TRIM72: variants seen among roughly 807,000 people sequenced by gnomAD.
The protein encoded by TRIM72 is tripartite motif containing 72, also known as tripartite motif-containing protein 72.
TRIM72 carries 33 observed loss-of-function variants against 31.6 expected under a neutral mutation model. The observed-to-expected ratio is 1.04, with a 90% CI of 0.79 to 1.40. The LOEUF is 1.40. TRIM72 is among the 40% of genes most tolerant of loss of function. TRIM72 has a pLI of 0.00. For missense variants in TRIM72, 666 were observed against 682.7 expected, an observed-to-expected ratio of 0.98 and a Z score of 0.27; for synonymous variants, 301 against 314.4, an observed-to-expected ratio of 0.96 and a Z score of 0.45.
In TRIM72 at chr16:31,215,244, A is replaced by C. The variant is rs1596936436; in HGVS notation, c.390+116A>C. 39 of 429,832 alleles carry C rather than the reference A, an allele frequency of 9.1e-5. No homozygotes were observed. Among genetic ancestry groups the C allele is most frequent in the South Asian group, 7.4e-4 (20 of 27,056 alleles). 26.6% of individuals were successfully genotyped at this position (429,832 alleles called of 1,614,324 possible). A position where few individuals can be genotyped will look rare whatever the true frequency, so the allele number is the denominator to read the frequency against. ...TCTAGAGAGGCTCACGAGCTCCTGGAGTTGCGGGGGGCGGGGGCGGGGCGA... is the reference window on the plus strand; with the variant it reads ...TCTAGAGAGGCTCACGAGCTCCTGGCGTTGCGGGGGGCGGGGGCGGGGCGA... On this transcript the variant is annotated intron_variant, in intron 2 of 6. Coordinates refer to ENST00000322122, the MANE Select transcript of TRIM72 (RefSeq NM_001008274.4). The surrounding 1 kb of genome is among the most constrained non-coding windows in gnomAD (Gnocchi z 6.3).
Position 31,224,324 on chromosome 16 carries a change from G to C in TRIM72, c.1003G>C (p.Val335Leu), listed in dbSNP as rs199815688. The C allele has an allele frequency of 5.0e-6, 8 of 1,596,668 alleles. No individual in the cohort carries two copies. The East Asian group carries it at 1.8e-4, about 36-fold the overall frequency. Residue 335 changes from valine (V) to leucine (L), a missense_variant, in exon 7 of 7, where the codon GTG (valine) becomes CTG (leucine). By Grantham distance (32) the Val-to-Leu change is conservative (BLOSUM62 1). Coordinates refer to ENST00000322122, the MANE Select transcript of TRIM72 (RefSeq NM_001008274.4). ...CCAGTTCGACAAGGCGGTGGCGGTG[G>C]TGGCGCACCAGCAGCTCTCCGAGGG... is the stretch of plus-strand genomic sequence containing the variant. ...PRQFDKAVAV[V>L]AHQQLSEGEH...
At position 31,224,365 on chromosome 16, in the gene TRIM72, G is replaced by A. The variant is rs2079546467; in HGVS notation, c.1044G>A (p.Glu348=). ...QQLSEGEHYW[E]VDVGDKPRWA... is the part of the protein sequence containing the mutation. ...TCTCCGAGGGCGAGCACTACTGGGA[G>A]GTGGATGTTGGCGACAAGCCGCGCT... Residue 348 remains glutamate, a synonymous_variant, in exon 7 of 7, where the codon GAG becomes GAA. Coordinates refer to ENST00000322122, the MANE Select transcript of TRIM72 (RefSeq NM_001008274.4). 6.6e-7 allele frequency: 1 copy of A among 1,517,302 alleles called. No homozygotes were observed. The highest frequency in any genetic ancestry group is 8.8e-7 in the Non-Finnish European group (1 of 1,141,792). The allele number at this position is 1,517,302 out of a possible 1,614,324, so 94.0% of individuals were successfully genotyped here.
chr16:31,224,556 G>A lies in TRIM72; in HGVS notation c.1235G>A (p.Arg412His). The A allele has an allele frequency of 1.3e-6, 2 of 1,540,958 alleles. No homozygotes were observed. Among genetic ancestry groups the A allele is most frequent in the South Asian group, 1.2e-5 (1 of 84,474 alleles). Residue 412 changes from arginine to histidine, a missense_variant, in exon 7 of 7, where the codon CGC (arginine) becomes CAC (histidine). Arg to His is a conservative substitution (Grantham distance 29, BLOSUM62 0). Transcript: ENST00000322122. ...CGCAGCCCCGAGAGGCGGCCCACGCGCATTGGCCTTTACCTGAGCTTCGGC... is the reference window on the plus strand; with the variant it reads ...CGCAGCCCCGAGAGGCGGCCCACGCACATTGGCCTTTACCTGAGCTTCGGC... ...ALRSPERRPTRIGLYLSFGDG... is the reference protein window; with the variant it reads ...ALRSPERRPTHIGLYLSFGDG...
At chr16:31,220,456 GTTTTT>G (rs71151452) in intron 4 of TRIM72, among the ~76,000 whole-genome samples, 1 of 29,582 alleles carries the variant, frequency 3.4e-5, no homozygotes, top group Non-Finnish European at 5.8e-5. Flanking sequence ...TCTCTTTTGC[GTTTTT>G]TTTTTTTTTT....
rs1420198617 is a variant in TRIM72 at position 31,229,943 on chromosome 16, C to G, written c.*5188C>G. 1.3e-5 allele frequency: 2 copies of G among 152,114 alleles called. No homozygotes were observed. Among genetic ancestry groups the G allele is most frequent in the Non-Finnish European group, 2.9e-5 (2 of 68,038 alleles). 9.4% of individuals were successfully genotyped at this position (152,114 alleles called of 1,614,324 possible). ...TCTTTACTAAAAATACAAAAATTAG[C>G]CAGGCATGGTGGTGCATGCCTGCAA... On this transcript the variant is annotated 3_prime_UTR_variant, in exon 7 of 7. Transcript: ENST00000322122.
Position 31,219,295 on chromosome 16 carries a change from G to T in TRIM72, c.493G>T (p.Val165Leu), listed in dbSNP as rs1460787138. Residue 165 changes from valine (V) to leucine (L), a missense_variant, in exon 4 of 7, where the codon GTG becomes TTG. Coordinates refer to ENST00000322122, the MANE Select transcript of TRIM72 (RefSeq NM_001008274.4). This position sits in a 1 kb window ranked among gnomAD's most constrained non-coding sequence, Gnocchi z 4.2. Reference protein sequence around the residue: ...EHQLVEVEETVRQFRGAVGEQ... With the variant: ...EHQLVEVEETLRQFRGAVGEQ... ...CACTGCCCCATCCCTGCAGGAGACA[G>T]TGCGTCAGTTCCGGGGGGCCGTGGG... 1 of 1,614,182 alleles carries T rather than the reference G, an allele frequency of 6.2e-7. No homozygotes were observed.
rs751349807 is a variant in TRIM72, at chr16:31,224,211, CT to C, written c.891del (p.Ala298ArgfsTer64). 1.1e-4 allele frequency: 175 copies of C among 1,603,948 alleles called. 2 individuals carry two copies. In the Middle Eastern group the frequency reaches 5.0e-3, roughly 45 times the overall value. On this transcript the variant is annotated frameshift_variant, in exon 7 of 7. Transcript: ENST00000322122. LOFTEE classifies it low-confidence loss of function (END_TRUNC). ...ALEELTFDPSSAHPSLVVSSS... is the reference protein window; with the variant it reads ...ALEELTFDPSXAHPSLVVSSS... The stretch of plus-strand genomic sequence containing the variant: ...GAGGAGCTGACCTTTGACCCGAGCT[CT>C]GCGCACCCGAGCCTGGTGGTGTCTT...
At chr16:31,221,042 T>C in intron 5 of TRIM72, 124 bp downstream of exon 5, 1 of 1,215,526 alleles carries the variant, frequency 8.2e-7, no homozygotes, top group Admixed American at 1.7e-5. Flanking sequence ...GCCCCACCCC[T>C]GCCTGAACAC....
Position 31,215,798 on chromosome 16 carries a change from A to T in TRIM72, c.390+670A>T, listed in dbSNP as rs1396821718. 6.6e-6 allele frequency among the ~76,000 whole-genome samples: 1 copy of T among 152,102 alleles called. No individual in the cohort carries two copies. Among genetic ancestry groups the T allele is most frequent in the Non-Finnish European group, 1.5e-5 (1 of 67,998 alleles). ...TTCTGGGTGGAGCTGGAAGTCCCGA[A>T]AGCCTTGGGAGCCCACACGCAGTTG... is the stretch of plus-strand genomic sequence containing the variant. On this transcript the variant is annotated intron_variant, in intron 2 of 6. Coordinates refer to ENST00000322122, the MANE Select transcript of TRIM72 (RefSeq NM_001008274.4). The surrounding 1 kb of genome is among the most constrained non-coding windows in gnomAD (Gnocchi z 6.3).
rs1474439239 is a variant in TRIM72 at position 31,226,130 on chromosome 16, A to T, written c.*1375A>T. ...AAATGTGCATTTCTAGCAGGTTCCC[A>T]GGTGACGCTGCTGGCCACAGGGGCT... On this transcript the variant is annotated 3_prime_UTR_variant, in exon 7 of 7. Coordinates refer to ENST00000322122, the MANE Select transcript of TRIM72 (RefSeq NM_001008274.4). 6.6e-6 allele frequency: 1 copy of T among 152,102 alleles called. No homozygotes were observed. The highest frequency in any genetic ancestry group is 1.5e-5 in the Non-Finnish European group (1 of 68,024). 9.4% of individuals were successfully genotyped at this position (152,102 alleles called of 1,614,324 possible).
At chr16:31,217,580 T>A (rs1046529674) in intron 2 of TRIM72, among the ~76,000 whole-genome samples, 5 of 150,762 alleles carry the variant, frequency 3.3e-5, no homozygotes, top group Admixed American at 3.3e-4. Flanking sequence ...TTGGGTAAGA[T>A]CTAGACCACA....
rs2144199263 is a variant in TRIM72 at position 31,224,213 on chromosome 16, G to C, written c.892G>C (p.Ala298Pro). 1 of 1,603,988 alleles carries C rather than the reference G, an allele frequency of 6.2e-7. No homozygotes were observed. The highest frequency in any genetic ancestry group is 2.2e-5 in the East Asian group (1 of 44,868). The stretch of plus-strand genomic sequence containing the variant: ...GGAGCTGACCTTTGACCCGAGCTCT[G>C]CGCACCCGAGCCTGGTGGTGTCTTC... ...LEELTFDPSS[A>P]HPSLVVSSSG... The change falls in exon 7 of 7, where the codon GCG becomes CCG. Residue 298 changes from alanine to proline, a missense_variant. By Grantham distance (27) the Ala-to-Pro change is conservative (BLOSUM62 -1). Transcript: ENST00000322122.
Position 31,222,946 on chromosome 16 carries a change from G to T in TRIM72, c.859+1G>T. On this transcript the variant is annotated splice_donor_variant, in intron 6 of 6. Coordinates refer to ENST00000322122, the MANE Select transcript of TRIM72 (RefSeq NM_001008274.4). LOFTEE classifies it high-confidence loss of function. ...AAGATGTTCCGGGCTCTGATGCCAGGTACCGGGAGGGACTGGCTCAGGTTT... is the reference window on the plus strand; with the variant it reads ...AAGATGTTCCGGGCTCTGATGCCAGTTACCGGGAGGGACTGGCTCAGGTTT... 12 of 1,578,942 alleles carry T rather than the reference G, an allele frequency of 7.6e-6. No homozygotes were observed. Among genetic ancestry groups the T allele is most frequent in the Non-Finnish European group, 1.0e-5 (12 of 1,163,204 alleles).
chr16:31,217,356 T>G (rs1716387309), intron 2 of TRIM72: 1 of 299,618 alleles, frequency 3.3e-6, no homozygotes, highest in African/African-American at 2.1e-5. Context: ...AGAAGTGGCT[T>G]TGTAGCCTGG....
At chr16:31,217,920 G>A (rs2079517722) in intron 2 of TRIM72, among the ~76,000 whole-genome samples, 1 of 152,134 alleles carries the variant, frequency 6.6e-6, no homozygotes, top group African/African-American at 2.4e-5. Flanking sequence ...GCCAGCAGGG[G>A]ACATTTTAAT....
chr16:31,224,450 T>C lies in TRIM72; in HGVS notation c.1129T>C (p.Ser377Pro). ...PRRGRLHAVP[S>P]QGLWLLGLRE... ...CCGCGGGCGCCTGCACGCGGTGCCC[T>C]CGCAGGGCCTGTGGCTGCTGGGGCT... The change falls in exon 7 of 7, where the codon TCG (serine) becomes CCG (proline). Residue 377 changes from serine to proline, a missense_variant. Transcript: ENST00000322122. 6.9e-7 allele frequency: 1 copy of C among 1,445,730 alleles called. No individual in the cohort carries two copies. The highest frequency in any genetic ancestry group is 9.0e-7 in the Non-Finnish European group (1 of 1,112,460). The allele number at this position is 1,445,730 out of a possible 1,614,324, so 89.6% of individuals were successfully genotyped here. A position where few individuals can be genotyped will look rare whatever the true frequency, so the allele number is the denominator to read the frequency against.
In TRIM72 at chr16:31,214,809, C is replaced by G; in HGVS notation, c.71C>G (p.Pro24Arg). ...CPLCLQLFDA[P>R]VTAECGHSFC... is the part of the protein sequence containing the mutation. ...CTGTGCCTGCAGCTGTTCGACGCGC[C>G]CGTGACAGCCGAGTGCGGCCACAGT... is the stretch of plus-strand genomic sequence containing the variant. Residue 24 changes from proline (P) to arginine (R), a missense_variant, in exon 2 of 7, where the codon CCC becomes CGC. Coordinates refer to ENST00000322122, the MANE Select transcript of TRIM72 (RefSeq NM_001008274.4). 1.3e-6 allele frequency: 2 copies of G among 1,574,044 alleles called. No homozygotes were observed. Among genetic ancestry groups the G allele is most frequent in the Middle Eastern group, 1.9e-4 (1 of 5,324 alleles).
At chr16:31,217,535 A>T (rs1359730168) in intron 2 of TRIM72, among the ~76,000 whole-genome samples, 1 of 141,886 alleles carries the variant, frequency 7.0e-6, no homozygotes, top group African/African-American at 2.6e-5. Flanking sequence ...GAGTATTGGG[A>T]GCTCTCCTAT....
chr16:31,214,586 T>TC, intron 1 of TRIM72, 146 bp from the exon 2 acceptor site: 3 of 915,334 alleles, frequency 3.3e-6, no homozygotes, highest in Non-Finnish European at 4.5e-6. Flanking sequence ...GCCGTCAGAG[T>TC]CCCATCCAGT....
Sources: gnomAD v4.1 joint callset for allele counts (sites outside exome capture counted in the v4.1 genomes callset) on GRCh38, gnomAD v4.1.1 for gene constraint, Gnocchi (gnomAD v3.1) non-coding constraint, MANE v1.5 for transcripts, NCBI Gene and HGNC (gene_info 2026-07-23, HGNC 2026-07-21) for gene names.